The following WDR1 variants were observed in gnomAD, a reference collection of about 807,000 sequenced individuals.
WDR1 encodes WD repeat-containing protein 1.
Under a neutral mutation model 71.9 loss-of-function variants are expected in WDR1, and 21 were observed. That is an observed-to-expected ratio of 0.29 (90% confidence interval 0.21 to 0.42). WDR1 has a LOEUF of 0.42. WDR1 is among the 10% of genes least tolerant of loss of function. The pLI, the probability that WDR1 is intolerant of heterozygous loss-of-function variation, is 1.00. For synonymous variants in WDR1, 424 were observed against 347.4 expected, an observed-to-expected ratio of 1.22 and a Z score of -2.45; for missense variants, 696 against 824.5, an observed-to-expected ratio of 0.84 and a Z score of 1.91.
At chr4:10,082,910 A>C in intron 10 of WDR1, 112 bp downstream of exon 10, 1 of 1,332,154 alleles carries the variant, frequency 7.5e-7, no homozygotes, top group Non-Finnish European at 1.0e-6. Flanking sequence ...GGGGTGGGAG[A>C]GATGAAAGGA....
chr4:10,083,294 CA>C, intron 9 of WDR1, 116 bp from the exon 10 acceptor site: 1 of 1,319,212 alleles, frequency 7.6e-7, no homozygotes, highest in Admixed American at 2.3e-5. Context: ...CGCAAACGGA[CA>C]TAACCATTCC....
chr4:10,085,578 G>A (rs995267532), intron 8 of WDR1, among the ~76,000 whole-genome samples: 4 of 152,222 alleles, frequency 2.6e-5, no homozygotes, highest in African/African-American at 9.6e-5. Flanking sequence ...ATCAGAACGT[G>A]CACTCGGCAA....
intron 3 of WDR1, among the ~76,000 whole-genome samples, chr4:10,100,125 G>C (rs979286931): frequency 6.6e-6 from 1 of 152,234 alleles, no homozygotes; most frequent in African/African-American, 2.4e-5. Context: ...TAAGAGGATT[G>C]TCAGGACACG....
intron 3 of WDR1, among the ~76,000 whole-genome samples, chr4:10,100,305 G>C (rs1712610430): frequency 1.3e-5 from 2 of 152,214 alleles, no homozygotes; most frequent in African/African-American, 4.8e-5. Context: ...GGCTCAGCAA[G>C]CAACATGGCT....
chr4:10,092,439 A>G (rs1712054117), intron 5 of WDR1: 1 of 152,814 alleles, frequency 6.5e-6, no homozygotes, highest in Non-Finnish European at 1.5e-5. Flanking sequence ...TGCTCGCGCA[A>G]ACCCCAGGAC....
chr4:10,104,777 A>T (rs1011653526), intron 2 of WDR1, among the ~76,000 whole-genome samples: 4 of 152,202 alleles, frequency 2.6e-5, no homozygotes, highest in Non-Finnish European at 4.4e-5. Context: ...GAATAAAGAC[A>T]TGGCCATCTA....
chr4:10,109,267 T>C (rs939696156), intron 2 of WDR1, among the ~76,000 whole-genome samples: 3 of 152,380 alleles, frequency 2.0e-5, no homozygotes, highest in South Asian at 4.1e-4. Context: ...CTGACTCACC[T>C]GGGTTATGAG....
In WDR1 at chr4:10,114,774, T is replaced by C. The variant is rs140448238; in HGVS notation, c.138+1339A>G. ...GGCCCTTCGGCTTTCTAGGAATCTG[T>C]GTGACTAGCAAGTTGTTAGCACCTT... On this transcript the variant is annotated intron_variant, in intron 2 of 14. Transcript: ENST00000499869. 3.1e-3 allele frequency among the ~76,000 whole-genome samples: 476 copies of C among 152,338 alleles called. 10 individuals are homozygous for C. The highest frequency in any genetic ancestry group is 0.011 in the African/African-American group (467 of 41,564).
At chr4:10,082,907 G>A (rs1765070146) in intron 10 of WDR1, 115 bp downstream of exon 10, 1 of 1,325,746 alleles carries the variant, frequency 7.5e-7, no homozygotes, top group African/African-American at 1.5e-5. Flanking sequence ...GACGGGGTGG[G>A]AGAGATGAAA....
chr4:10,104,097 C>G, intron 2 of WDR1, 111 bp from the exon 3 acceptor site: 2 of 1,171,750 alleles, frequency 1.7e-6, no homozygotes, highest in South Asian at 1.3e-5. Flanking sequence ...AACACTGAAG[C>G]TAAAACCGTG....
chr4:10,087,427 G>A (rs1291011436), intron 8 of WDR1, among the ~76,000 whole-genome samples: 1 of 152,244 alleles, frequency 6.6e-6, no homozygotes, highest in Non-Finnish European at 1.5e-5. Context: ...CTCAACAGCT[G>A]GGGGTGATGG....
chr4:10,078,759 C>T, intron 12 of WDR1, 132 bp downstream of exon 12: 1 of 728,958 alleles, frequency 1.4e-6, no homozygotes. Flanking sequence ...GGTCCCACGC[C>T]CCGACTGCCC....
Position 10,083,185 on chromosome 4 carries a change from T to C in WDR1, c.1040-7A>G, listed in dbSNP as rs1765081686. The C allele has an allele frequency of 6.2e-7, 1 of 1,612,168 alleles. No homozygotes were observed. Among genetic ancestry groups the C allele is most frequent in the South Asian group, 1.1e-5 (1 of 90,864 alleles). On this transcript the variant is annotated splice_polypyrimidine_tract_variant and splice_region_variant and intron_variant, in intron 9 of 14. Transcript: ENST00000499869. ...GTCTCTGAATCCCAGTAATGTAGGG[T>C]GGGGTTAAGGAAAAGCCCGGCTCCC...
At chr4:10,110,563 G>A (rs561957807) in intron 2 of WDR1, among the ~76,000 whole-genome samples, 21 of 152,258 alleles carry the variant, frequency 1.4e-4, no homozygotes, top group Non-Finnish European at 2.2e-4. Context: ...GTGTCTCAAC[G>A]CTCCTCCTGG....
chr4:10,092,901 T>C, intron 5 of WDR1: 1 of 478,216 alleles, frequency 2.1e-6, no homozygotes, highest in Non-Finnish European at 3.8e-6. Context: ...TCCAGCCTCA[T>C]CCCTGGTGGA....
chr4:10,084,590 C>A, intron 8 of WDR1, 60 bp from the exon 9 acceptor site: 1 of 1,509,892 alleles, frequency 6.6e-7, no homozygotes, highest in South Asian at 1.1e-5. Context: ...CCTCTGCCAC[C>A]CGCTTTCCAC....
At chr4:10,107,019 G>T (rs1713061911) in intron 2 of WDR1, among the ~76,000 whole-genome samples, 1 of 152,176 alleles carries the variant, frequency 6.6e-6, no homozygotes, top group Non-Finnish European at 1.5e-5. Flanking sequence ...ATGAGATTGG[G>T]GGTTGAGAAG....
intron 9 of WDR1, 53 bp downstream of exon 9, chr4:10,084,390 A>AC: frequency 3.2e-6 from 5 of 1,547,530 alleles, no homozygotes; most frequent in Non-Finnish European, 4.4e-6. Context: ...GGAACAGGAA[A>AC]TTCCCCCCTA....
intron 5 of WDR1, among the ~76,000 whole-genome samples, chr4:10,089,222 C>T (rs1220200814): frequency 1.3e-5 from 2 of 152,346 alleles, no homozygotes; most frequent in African/African-American, 4.8e-5. Flanking sequence ...CATTCTCCTG[C>T]CTCAGCCTCC....
Sources: gnomAD v4.1 joint callset for allele counts (sites outside exome capture counted in the v4.1 genomes callset) on GRCh38, gnomAD v4.1.1 for gene constraint, MANE v1.5 for transcripts, NCBI Gene and HGNC (gene_info 2026-07-23, HGNC 2026-07-21) for gene names.